The following CSMD1 variants were observed in gnomAD, a reference collection of about 807,000 sequenced individuals.
The protein encoded by CSMD1 is CUB and Sushi multiple domains 1.
In CSMD1, 213 loss-of-function variants were observed where a neutral mutation model predicts 417.5. That is an observed-to-expected ratio of 0.51 (90% CI 0.46 to 0.57). The LOEUF (loss-of-function observed/expected upper bound fraction) is 0.57, where lower values mean the gene tolerates loss of function less well. Ranked by LOEUF, CSMD1 falls within the 20% of genes least tolerant of loss-of-function variation. The pLI, the probability that CSMD1 is intolerant of heterozygous loss-of-function variation, is 0.00. For synonymous variants in CSMD1, 2,862 were observed against 1,736.8 expected (o/e 1.65, Z -16.11); for missense variants, 6,923 against 4,529.7 (o/e 1.53, Z -15.17).
intron 22 of CSMD1, among the ~76,000 whole-genome samples, chr8:3,345,133 A>G (rs979556790): frequency 6.6e-6 from 1 of 152,210 alleles, no homozygotes. Flanking sequence ...CGAAAGAACT[A>G]GACACTCAGT....
chr8:3,423,046 G>T (rs270076), intron 12 of CSMD1, among the ~76,000 whole-genome samples: 134,588 of 152,186 alleles, frequency 0.88, 59,754 homozygotes, highest in Middle Eastern at 0.95. Flanking sequence ...CCAGCTAGTC[G>T]AGTTGTACAG....
At chr8:4,281,316 G>C (rs1444505751) in intron 3 of CSMD1, among the ~76,000 whole-genome samples, 1 of 152,190 alleles carries the variant, frequency 6.6e-6, no homozygotes, top group African/African-American at 2.4e-5. Flanking sequence ...GATAGTAACT[G>C]CGAGAACAGG....
chr8:4,371,686 T>C (rs920783338), intron 3 of CSMD1, among the ~76,000 whole-genome samples: 4 of 152,264 alleles, frequency 2.6e-5, no homozygotes, highest in Non-Finnish European at 4.4e-5. Context: ...GTTAGTAGAA[T>C]GTTAGCTATA....
chr8:4,532,971 T>C (rs1796912181), intron 2 of CSMD1, among the ~76,000 whole-genome samples: 1 of 151,854 alleles, frequency 6.6e-6, no homozygotes, highest in Non-Finnish European at 1.5e-5. Flanking sequence ...TGCACCGTCA[T>C]TCACAGTCAC....
intron 3 of CSMD1, among the ~76,000 whole-genome samples, chr8:4,393,425 A>G (rs1272591744): frequency 2.6e-5 from 4 of 152,222 alleles, no homozygotes; most frequent in Non-Finnish European, 4.4e-5. Context: ...GGGAAAATAC[A>G]TAGAACCCAA....
chr8:4,385,668 T>C (rs1013090391), intron 3 of CSMD1, among the ~76,000 whole-genome samples: 2 of 152,138 alleles, frequency 1.3e-5, no homozygotes, highest in Non-Finnish European at 2.9e-5. Context: ...GTAGGCATTA[T>C]CCAAAGCACA....
At chr8:4,797,736 A>G (rs995062346) in intron 1 of CSMD1, among the ~76,000 whole-genome samples, 3 of 152,232 alleles carry the variant, frequency 2.0e-5, no homozygotes, top group Non-Finnish European at 4.4e-5. Context: ...ATAGGTACAT[A>G]CAAATGTAGA....
chr8:4,039,954 T>G (rs552833300), intron 3 of CSMD1, among the ~76,000 whole-genome samples: 19 of 152,310 alleles, frequency 1.2e-4, no homozygotes, highest in African/African-American at 4.3e-4. Context: ...TTATAGAGAA[T>G]TGTAAAAAGA....
chr8:3,129,467 G>A (rs1197583729), intron 41 of CSMD1, among the ~76,000 whole-genome samples: 1 of 152,098 alleles, frequency 6.6e-6, no homozygotes, highest in African/African-American at 2.4e-5. Context: ...AATATCAAGA[G>A]TAAAACACAA....
At chr8:3,574,303 C>A (rs932487516) in intron 10 of CSMD1, among the ~76,000 whole-genome samples, 6 of 152,226 alleles carry the variant, frequency 3.9e-5, no homozygotes, top group African/African-American at 7.2e-5. Flanking sequence ...TGCAGTGGCA[C>A]GATCTTGGCC....
intron 5 of CSMD1, among the ~76,000 whole-genome samples, chr8:3,894,131 T>C (rs1807184753): frequency 6.6e-6 from 1 of 152,200 alleles, no homozygotes; most frequent in Non-Finnish European, 1.5e-5. Context: ...CTTAAAAATA[T>C]TCTTTTTCCT....
intron 50 of CSMD1, among the ~76,000 whole-genome samples, chr8:3,050,114 A>G (rs1237905766): frequency 1.3e-5 from 2 of 151,894 alleles, no homozygotes; most frequent in African/African-American, 4.8e-5. Context: ...TTAAAAAAAA[A>G]AAAAAAACTG....
chr8:4,064,577 C>T (rs775357366), intron 3 of CSMD1, among the ~76,000 whole-genome samples: 29 of 152,234 alleles, frequency 1.9e-4, no homozygotes, highest in Admixed American at 1.8e-3. Flanking sequence ...TACTTCCACC[C>T]TGTCATACAA....
intron 10 of CSMD1, among the ~76,000 whole-genome samples, chr8:3,500,210 C>A (rs924881806): frequency 2.0e-5 from 3 of 152,138 alleles, no homozygotes; most frequent in African/African-American, 7.2e-5. Flanking sequence ...GTACAGTGTT[C>A]TCCCCTAGAC....
At chr8:3,767,123 C>T (rs1015904638) in intron 5 of CSMD1, among the ~76,000 whole-genome samples, 4 of 152,316 alleles carry the variant, frequency 2.6e-5, no homozygotes, top group East Asian at 3.9e-4. Context: ...CGTGGGGTTC[C>T]GCTGAGGCTG....
At chr8:4,694,002 A>C (rs2116778571) in intron 1 of CSMD1, among the ~76,000 whole-genome samples, 1 of 152,284 alleles carries the variant, frequency 6.6e-6, no homozygotes, top group African/African-American at 2.4e-5. Context: ...CAATCTCGGG[A>C]CCCCCAAATC....
At chr8:4,358,398 T>C (rs1178155581) in intron 3 of CSMD1, among the ~76,000 whole-genome samples, 4 of 152,122 alleles carry the variant, frequency 2.6e-5, no homozygotes, top group Non-Finnish European at 2.9e-5. Context: ...GGGGACTGTT[T>C]CGTGACACGT....
At chr8:4,167,450 A>G (rs1018533289) in intron 3 of CSMD1, among the ~76,000 whole-genome samples, 2 of 152,220 alleles carry the variant, frequency 1.3e-5, no homozygotes, top group Non-Finnish European at 2.9e-5. Flanking sequence ...ACACACTGGA[A>G]TAGAATGACG....
chr8:4,254,713 G>T (rs1394874588), intron 3 of CSMD1, among the ~76,000 whole-genome samples: 1 of 152,052 alleles, frequency 6.6e-6, no homozygotes, highest in African/African-American at 2.4e-5. Flanking sequence ...TTTTCCATGT[G>T]TAGGTATGGT....
Sources: allele counts gnomAD v4.1 joint callset (sites outside exome capture counted in the v4.1 genomes callset), GRCh38; gene constraint gnomAD v4.1.1; transcripts MANE v1.5; gene names NCBI Gene and HGNC (gene_info 2026-07-23, HGNC 2026-07-21).